Variants in VAV1 observed in about 807,000 individuals in gnomAD.
VAV1 encodes vav guanine nucleotide exchange factor 1.
In VAV1, 33 loss-of-function variants were observed where a neutral mutation model predicts 128.1. The observed-to-expected ratio is 0.26, with a 90% CI of 0.20 to 0.34. VAV1 has a LOEUF of 0.34. Among genes scored for constraint, VAV1 ranks in the 10% least tolerant of loss-of-function variants. The pLI, the probability that VAV1 is intolerant of heterozygous loss-of-function variation, is 1.00. For missense variants in VAV1, 715 were observed against 1,093.7 expected, an observed-to-expected ratio of 0.65 and a Z score of 4.88; for synonymous variants, 394 against 409.8, an observed-to-expected ratio of 0.96 and a Z score of 0.47.
intron 14 of VAV1, among the ~76,000 whole-genome samples, chr19:6,831,566 C>A (rs1294488415): frequency 2.6e-5 from 4 of 152,186 alleles, no homozygotes; most frequent in African/African-American, 4.8e-5. Context: ...CCCACCTCAG[C>A]CTCCCAAAAT....
At chr19:6,846,569 T>G (rs1318732681) in intron 22 of VAV1, among the ~76,000 whole-genome samples, 1 of 149,944 alleles carries the variant, frequency 6.7e-6, no homozygotes. Context: ...CAAAAAAAAT[T>G]ATATATTATA....
At chr19:6,785,305 C>T (rs946388197) in intron 1 of VAV1, among the ~76,000 whole-genome samples, 3 of 151,806 alleles carry the variant, frequency 2.0e-5, no homozygotes, top group Non-Finnish European at 4.4e-5. Context: ...CCAAAGTGCT[C>T]GGATACAGAC....
In VAV1 at chr19:6,826,333, C is replaced by T. The variant is rs995082090; in HGVS notation, c.828-279C>T. ...AGCCTGGGAGACAAGCGTGAAACCC[C>T]GTCTCAAAAATAAATAAATTAATTA... On this transcript the variant is annotated intron_variant, in intron 8 of 26. Transcript: ENST00000602142. This position sits in a 1 kb window ranked among gnomAD's most constrained non-coding sequence, Gnocchi z 4.1. 2.0e-5 allele frequency among the ~76,000 whole-genome samples: 3 copies of T among 151,796 alleles called. No homozygotes were observed. The highest frequency in any genetic ancestry group is 1.9e-4 in the East Asian group (1 of 5,194).
At position 6,848,031 on chromosome 19, in the gene VAV1, G is replaced by C. The variant is rs2144822939; in HGVS notation, c.2046G>C (p.Glu682Asp). The C allele has an allele frequency of 7.2e-6, 11 of 1,535,322 alleles. No individual in the cohort carries two copies. Among genetic ancestry groups the C allele is most frequent in the Non-Finnish European group, 9.6e-6 (11 of 1,149,276 alleles). Residue 682 changes from glutamate to aspartate, a missense_variant, in exon 23 of 27, where the codon GAG (glutamate) becomes GAC (aspartate). Physicochemically the swap from Glu to Asp is conservative, Grantham distance 45 (BLOSUM62 2). Transcript: ENST00000602142. ...GCCCCATGGAGCGGGCAGGGGCAGA[G>C]AGCATCCTGGCCAACCGCTCGGACG... Reference protein sequence around the residue: ...YAGPMERAGAESILANRSDGT... With the variant: ...YAGPMERAGADSILANRSDGT...
intron 1 of VAV1, among the ~76,000 whole-genome samples, chr19:6,782,968 T>C (rs1599617897): frequency 6.7e-6 from 1 of 150,080 alleles, no homozygotes; most frequent in Non-Finnish European, 1.5e-5. Flanking sequence ...GATCATGAGG[T>C]CAGGAGTTTG....
intron 1 of VAV1, among the ~76,000 whole-genome samples, chr19:6,814,868 G>A (rs1337720841): frequency 9.9e-5 from 15 of 151,836 alleles, no homozygotes; most frequent in Non-Finnish European, 1.5e-5. Flanking sequence ...ATTAAGTACA[G>A]TGTTTCGGTC....
At chr19:6,814,891 A>C (rs1971612376) in intron 1 of VAV1, among the ~76,000 whole-genome samples, 1 of 151,716 alleles carries the variant, frequency 6.6e-6, no homozygotes, top group Admixed American at 6.6e-5. Flanking sequence ...GGTTTTCTGA[A>C]GACCTTCTTT....
In VAV1 at chr19:6,814,690, T is replaced by C. The variant is rs566682177; in HGVS notation, c.205-6012T>C. Reference sequence around the variant, plus strand: ...TTCCTTCCTTTCTTTCTTTCTTTCTTTCTTTCTTTCTTTCTTTCTTTCTTT... The same window carrying C: ...TTCCTTCCTTTCTTTCTTTCTTTCTCTCTTTCTTTCTTTCTTTCTTTCTTT... On this transcript the variant is annotated intron_variant, in intron 1 of 26. Coordinates refer to ENST00000602142, the MANE Select transcript of VAV1 (RefSeq NM_005428.4). Among the ~76,000 whole-genome samples, 375 of 123,124 alleles carry C rather than the reference T, an allele frequency of 3.0e-3. 14 individuals are homozygous for C. The highest frequency in any genetic ancestry group is 0.013 in the African/African-American group (346 of 27,084). 80.8% of individuals were successfully genotyped at this position (123,124 alleles called of 152,430 possible). A position where few individuals can be genotyped will look rare whatever the true frequency, so the allele number is the denominator to read the frequency against.
chr19:6,783,370 C>T (rs542009108), intron 1 of VAV1, among the ~76,000 whole-genome samples: 20 of 151,628 alleles, frequency 1.3e-4, no homozygotes, highest in Admixed American at 1.1e-3. Flanking sequence ...ATCTCATGGT[C>T]TTAGCTTCCC....
At chr19:6,855,458 T>C (rs186724628) in intron 26 of VAV1, among the ~76,000 whole-genome samples, 2 of 152,056 alleles carry the variant, frequency 1.3e-5, no homozygotes, top group African/African-American at 4.8e-5. Flanking sequence ...CATCTGTGCA[T>C]CCATCCATCT....
intron 1 of VAV1, among the ~76,000 whole-genome samples, chr19:6,774,758 T>C (rs1970585454): frequency 1.3e-5 from 2 of 150,998 alleles, no homozygotes; most frequent in African/African-American, 2.4e-5. Context: ...TTTTTTATCT[T>C]ATCTTTTATT....
rs968910274 is a variant in VAV1, at chr19:6,836,559, C to T, written c.1905C>T (p.Asn635=). Residue 635 remains asparagine, a synonymous_variant, in exon 20 of 27, where the codon AAC becomes AAT. Coordinates refer to ENST00000602142, the MANE Select transcript of VAV1 (RefSeq NM_005428.4). ...TCACGAAGGCTGAGGCTGAACAGAA[C>T]TGGTGGGAGGTACAGGCTGGGGCCA... ...VELTKAEAEQ[N]WWEGRNTSTN... 6.2e-7 allele frequency: 1 copy of T among 1,613,998 alleles called. No homozygotes were observed. The highest frequency in any genetic ancestry group is 1.3e-5 in the African/African-American group (1 of 74,974).
chr19:6,797,068 C>G (rs533235045), intron 1 of VAV1, among the ~76,000 whole-genome samples: 4 of 152,020 alleles, frequency 2.6e-5, no homozygotes, highest in African/African-American at 9.6e-5. Context: ...CCTGTCTCCA[C>G]TAAAAATACA....
intron 26 of VAV1, among the ~76,000 whole-genome samples, chr19:6,856,229 G>A (rs1467351598): frequency 2.0e-5 from 3 of 152,032 alleles, no homozygotes; most frequent in Admixed American, 6.6e-5. Context: ...CCCAGGAGGC[G>A]GAGGCTGTGG....
At chr19:6,781,266 C>T (rs1444666354) in intron 1 of VAV1, among the ~76,000 whole-genome samples, 1 of 152,120 alleles carries the variant, frequency 6.6e-6, no homozygotes, top group Non-Finnish European at 1.5e-5. Flanking sequence ...AAGTGCTAGC[C>T]AATCTTTGTG....
At position 6,848,105 on chromosome 19, in the gene VAV1, T is replaced by TC; in HGVS notation, c.2121dup (p.Ser708GlnfsTer3). ...GTGAAGGATGCAGCAGAATTTGCCATCAGCATTAAGTAACTCCTTTCTCCC... is the reference window on the plus strand; with the variant it reads ...GTGAAGGATGCAGCAGAATTTGCCATCCAGCATTAAGTAACTCCTTTCTCCC... On this transcript the variant is annotated frameshift_variant, in exon 23 of 27. Transcript: ENST00000602142. LOFTEE classifies it high-confidence loss of function. 3 of 1,552,872 alleles carry TC rather than the reference T, an allele frequency of 1.9e-6. No homozygotes were observed. Among genetic ancestry groups the TC allele is most frequent in the Non-Finnish European group, 2.6e-6 (3 of 1,156,402 alleles).
chr19:6,814,628 T>C (rs530508309), intron 1 of VAV1, among the ~76,000 whole-genome samples: 1 of 145,188 alleles, frequency 6.9e-6, no homozygotes, highest in South Asian at 2.2e-4. Flanking sequence ...CTTTCTTTCT[T>C]TTCTTTCTCT....
At chr19:6,791,116 C>A (rs1231097630) in intron 1 of VAV1, among the ~76,000 whole-genome samples, 1 of 152,198 alleles carries the variant, frequency 6.6e-6, no homozygotes, top group East Asian at 1.9e-4. Context: ...GATTTAGGGC[C>A]CACCTGGATG....
At chr19:6,808,935 C>T (rs1971455530) in intron 1 of VAV1, among the ~76,000 whole-genome samples, 1 of 152,096 alleles carries the variant, frequency 6.6e-6, no homozygotes, top group Admixed American at 6.6e-5. Context: ...GGTCTCTCAT[C>T]CTCTGGCAAT....
Sources: gnomAD v4.1 joint callset for allele counts (sites outside exome capture counted in the v4.1 genomes callset) on GRCh38, gnomAD v4.1.1 for gene constraint, Gnocchi (gnomAD v3.1) non-coding constraint, MANE v1.5 for transcripts, NCBI Gene and HGNC (gene_info 2026-07-23, HGNC 2026-07-21) for gene names.